Variants in MYLK observed in about 807,000 individuals in gnomAD.
MYLK encodes the protein myosin light chain kinase, also known as myosin light chain kinase, smooth muscle.
Under a neutral mutation model 203.4 loss-of-function variants are expected in MYLK, and 106 were observed. That is an observed-to-expected ratio of 0.52 (90% CI 0.45 to 0.61). The LOEUF is 0.61. MYLK is among the 20% of genes least tolerant of loss of function. MYLK has a pLI of 0.00. For synonymous variants in MYLK, 867 were observed against 959.5 expected (o/e 0.90, Z 1.78); for missense variants, 2,072 against 2,442.3 (o/e 0.85, Z 3.20).
intron 4 of MYLK, among the ~76,000 whole-genome samples, chr3:123,774,956 A>G (rs2064015787): frequency 6.6e-6 from 1 of 152,202 alleles, no homozygotes; most frequent in Non-Finnish European, 1.5e-5. Context: ...AAGAAGGTTA[A>G]GGATCTAGTC....
intron 4 of MYLK, among the ~76,000 whole-genome samples, chr3:123,771,601 T>C (rs1033834204): frequency 6.6e-6 from 1 of 152,238 alleles, no homozygotes; most frequent in Non-Finnish European, 1.5e-5. Flanking sequence ...TTTTGTTCAA[T>C]GATAAAAGCA....
intron 24 of MYLK, among the ~76,000 whole-genome samples, chr3:123,651,681 G>A (rs2059215945): frequency 6.6e-6 from 1 of 152,196 alleles, no homozygotes; most frequent in Admixed American, 6.5e-5. Context: ...GGCAGCAGGA[G>A]GCTTTCCCTG....
At chr3:123,735,578 G>C in intron 8 of MYLK, 162 bp from the exon 9 acceptor site, 1 of 741,194 alleles carries the variant, frequency 1.3e-6, no homozygotes, top group Admixed American at 2.1e-5. Context: ...CCCAGCCCTA[G>C]AGTACATTGT....
At chr3:123,752,197 C>T (rs545560318) in intron 5 of MYLK, 134 bp downstream of exon 5, 38 of 921,104 alleles carry the variant, frequency 4.1e-5, no homozygotes, top group Non-Finnish European at 5.0e-5. Context: ...TTGGAAGGTC[C>T]GGGGTTCAAG....
intron 3 of MYLK, among the ~76,000 whole-genome samples, chr3:123,813,518 T>C (rs28409964): frequency 8.0e-6 from 1 of 125,344 alleles, no homozygotes. Flanking sequence ...CTCTCTCTCT[T>C]TTTTTTTTTT....
intron 4 of MYLK, among the ~76,000 whole-genome samples, chr3:123,784,917 G>A (rs1221937426): frequency 1.3e-5 from 2 of 152,228 alleles, no homozygotes; most frequent in Non-Finnish European, 2.9e-5. Context: ...TGGTCATGGA[G>A]CAAGTGGGCA....
Position 123,642,193 on chromosome 3 carries a change from G to A in MYLK, c.4620-1689C>T, listed in dbSNP as rs1473874919. On this transcript the variant is annotated intron_variant, in intron 27 of 33. Coordinates refer to ENST00000360304, the MANE Select transcript of MYLK (RefSeq NM_053025.4). The surrounding 1 kb of genome is among the most constrained non-coding windows in gnomAD (Gnocchi z 4.2). ...GAGAGTCCTCACGAAGAGGAAAGGAGCTGAGTTTGAATCCTGCTTCTGCCT... is the reference window on the plus strand; with the variant it reads ...GAGAGTCCTCACGAAGAGGAAAGGAACTGAGTTTGAATCCTGCTTCTGCCT... Among the ~76,000 whole-genome samples, 1 of 152,192 alleles carries A rather than the reference G, an allele frequency of 6.6e-6. No homozygotes were observed. The highest frequency in any genetic ancestry group is 1.5e-5 in the Non-Finnish European group (1 of 68,036).
intron 5 of MYLK, among the ~76,000 whole-genome samples, chr3:123,742,412 C>T (rs1317031759): frequency 6.6e-6 from 1 of 152,056 alleles, no homozygotes; most frequent in Non-Finnish European, 1.5e-5. Context: ...GTTATTAATA[C>T]TGATTATTTT....
chr3:123,721,759 G>A (rs2062095784), intron 13 of MYLK, among the ~76,000 whole-genome samples: 1 of 150,550 alleles, frequency 6.6e-6, no homozygotes, highest in African/African-American at 2.4e-5. Context: ...CAGACCTGGA[G>A]CTTCTGGAGC....
Position 123,618,698 on chromosome 3 carries a change from G to A in MYLK, c.5441C>T (p.Thr1814Ile), listed in dbSNP as rs142220417. 3.4e-4 allele frequency: 551 copies of A among 1,614,150 alleles called. 3 individuals carry two copies. In the African/African-American group the frequency reaches 6.8e-3, roughly 20 times the overall value. ...CTCCACAACTTCTAAATCGCGAATG[G>A]TCTTAGAGAAATAGGGTTTTACATG... ...KPHVKPYFSK[T>I]IRDLEVVEGS... is the part of the protein sequence containing the mutation. Residue 1814 changes from threonine (T) to isoleucine (I), a missense_variant, in exon 33 of 34, where the codon ACC becomes ATC. This residue lies in a region of MYLK where 524 missense variants were observed against 782.4 expected (regional missense o/e 0.67). Coordinates refer to ENST00000360304, the MANE Select transcript of MYLK (RefSeq NM_053025.4).
At chr3:123,752,746 C>T (rs545425059) in intron 4 of MYLK, among the ~76,000 whole-genome samples, 30 of 152,260 alleles carry the variant, frequency 2.0e-4, no homozygotes, top group African/African-American at 7.2e-4. Context: ...CAAAGTCAGG[C>T]ATCCTGGGTC....
rs559631990 is a variant in MYLK, at chr3:123,628,690, C to T, written c.5114+784G>A. 3.9e-4 allele frequency among the ~76,000 whole-genome samples: 59 copies of T among 152,286 alleles called. 1 individual carries two copies. In the South Asian group the frequency reaches 0.012, roughly 31 times the overall value. ...TCCAGGAGATTCTGTCTAGGCACAC[C>T]CACTGCCCACCTTCAGCCAACCTCC... On this transcript the variant is annotated intron_variant, in intron 30 of 33. Coordinates refer to ENST00000360304, the MANE Select transcript of MYLK (RefSeq NM_053025.4).
chr3:123,834,028 T>TTTTG lies in MYLK; in HGVS notation c.-126-2362_-126-2359dup, dbSNP rs528600839. ...AAACATTTGGCATTTCATTACTGTT[T>TTTTG]TTTGTTTGTTTGTTTGTTTGTTTTT... On this transcript the variant is annotated intron_variant, in intron 2 of 33. Transcript: ENST00000360304. 6.7e-3 allele frequency among the ~76,000 whole-genome samples: 1,022 copies of TTTTG among 152,130 alleles called. 12 individuals carry two copies. The highest frequency in any genetic ancestry group is 0.021 in the African/African-American group (868 of 41,476).
chr3:123,757,319 T>A (rs1008905341), intron 4 of MYLK, among the ~76,000 whole-genome samples: 2 of 152,186 alleles, frequency 1.3e-5, no homozygotes, highest in African/African-American at 4.8e-5. Context: ...AACATATCCA[T>A]CTTCTCCAAG....
chr3:123,853,112 C>T (rs956372228), intron 2 of MYLK, among the ~76,000 whole-genome samples: 3 of 151,442 alleles, frequency 2.0e-5, no homozygotes, highest in Non-Finnish European at 2.9e-5. Flanking sequence ...CCCAAGTCAC[C>T]GAATAACTCT....
intron 8 of MYLK, 48 bp downstream of exon 8, chr3:123,737,330 C>T (rs748933744): frequency 1.2e-5 from 19 of 1,612,554 alleles, no homozygotes; most frequent in Middle Eastern, 1.7e-4. Context: ...TAGGAGGGTG[C>T]GGCACCAGGC....
intron 8 of MYLK, among the ~76,000 whole-genome samples, chr3:123,737,015 T>C (rs112712866): frequency 0.031 from 4,746 of 152,004 alleles, 224 homozygotes; most frequent in African/African-American, 0.11. Flanking sequence ...GGCAGATCAC[T>C]TGAGGTCAGC....
chr3:123,657,508 G>A, intron 23 of MYLK, 80 bp from the exon 24 acceptor site: 2 of 1,450,394 alleles, frequency 1.4e-6, no homozygotes, highest in Non-Finnish European at 1.9e-6. Context: ...CTGTGTCATG[G>A]GGGGAAGGCA....
intron 31 of MYLK, 111 bp downstream of exon 31, chr3:123,626,707 A>G: frequency 6.5e-7 from 1 of 1,536,414 alleles, no homozygotes; most frequent in Non-Finnish European, 9.0e-7. Flanking sequence ...CTACTTCAGA[A>G]ATAAATTTAA....
Sources: allele counts gnomAD v4.1 joint callset (sites outside exome capture counted in the v4.1 genomes callset), GRCh38; gene constraint gnomAD v4.1.1; regional missense constraint gnomAD v4.1.1; non-coding constraint Gnocchi (gnomAD v3.1); transcripts MANE v1.5; gene names NCBI Gene and HGNC (gene_info 2026-07-23, HGNC 2026-07-21).